Variants in NEK1 observed in about 807,000 individuals in gnomAD.
NEK1 encodes serine/threonine-protein kinase Nek1.
In NEK1, 137 loss-of-function variants were observed where a neutral mutation model predicts 182.1. The observed-to-expected ratio is 0.75, with a 90% CI of 0.65 to 0.87. NEK1 has a LOEUF of 0.87. NEK1 is among the 40% of genes least tolerant of loss of function. NEK1 has a pLI of 0.00. For missense variants in NEK1, 1,391 were observed against 1,494.4 expected, an observed-to-expected ratio of 0.93 and a Z score of 1.14; for synonymous variants, 513 against 492.2, an observed-to-expected ratio of 1.04 and a Z score of -0.56.
chr4:169,499,217 T>C (rs1196579858), intron 23 of NEK1, among the ~76,000 whole-genome samples: 1 of 152,246 alleles, frequency 6.6e-6, no homozygotes, highest in Non-Finnish European at 1.5e-5. Context: ...TGTGCATTCG[T>C]CACGTAGTTC....
At chr4:169,445,963 G>A (rs1040189261) in intron 27 of NEK1, among the ~76,000 whole-genome samples, 1 of 151,448 alleles carries the variant, frequency 6.6e-6, no homozygotes, top group East Asian at 1.9e-4. Flanking sequence ...TAGAACTGGA[G>A]GTCATTATCC....
intron 27 of NEK1, among the ~76,000 whole-genome samples, chr4:169,441,229 C>T (rs1739392206): frequency 6.6e-6 from 1 of 152,206 alleles, no homozygotes; most frequent in African/African-American, 2.4e-5. Flanking sequence ...CCTGCCTCCC[C>T]TAGCACCTGG....
At chr4:169,544,599 G>GTTTTTTTTT (rs139478702) in intron 18 of NEK1, among the ~76,000 whole-genome samples, 28 of 66,288 alleles carry the variant, frequency 4.2e-4, no homozygotes, top group African/African-American at 6.6e-4. Flanking sequence ...TCTGGTCATG[G>GTTTTTTTTT]TTTTTTTTTT....
At chr4:169,555,225 T>A (rs1419960072) in intron 18 of NEK1, 4 of 164,432 alleles carry the variant, frequency 2.4e-5, no homozygotes, top group African/African-American at 9.6e-5. Flanking sequence ...CATTATTAAT[T>A]CAATGGAAGA....
intron 19 of NEK1, among the ~76,000 whole-genome samples, chr4:169,528,601 T>A (rs551666763): frequency 6.6e-6 from 1 of 152,252 alleles, no homozygotes; most frequent in Non-Finnish European, 1.5e-5. Context: ...GATAAACTGC[T>A]AAATTGTGGT....
chr4:169,546,214 T>C (rs555716338), intron 18 of NEK1, among the ~76,000 whole-genome samples: 1 of 152,212 alleles, frequency 6.6e-6, no homozygotes, highest in Non-Finnish European at 1.5e-5. Flanking sequence ...AAAGAATTTA[T>C]TTATTTCTGC....
At chr4:169,460,439 GC>G (rs1223708311) in intron 27 of NEK1, among the ~76,000 whole-genome samples, 21 of 151,828 alleles carry the variant, frequency 1.4e-4, no homozygotes, top group Non-Finnish European at 5.9e-5. Context: ...GGAAAGACCT[GC>G]CCCCATAATT....
chr4:169,395,689 A>G (rs879428962), intron 35 of NEK1, among the ~76,000 whole-genome samples: 13 of 152,240 alleles, frequency 8.5e-5, no homozygotes, highest in Non-Finnish European at 1.6e-4. Flanking sequence ...AATTAACAAA[A>G]GCTAACTTTT....
intron 23 of NEK1, among the ~76,000 whole-genome samples, chr4:169,495,641 A>T (rs1237439100): frequency 2.0e-5 from 3 of 152,132 alleles, no homozygotes; most frequent in Middle Eastern, 3.2e-3. Context: ...TTTTCCCAGC[A>T]CCATTTATTA....
chr4:169,422,139 C>A (rs1246366651), intron 31 of NEK1, among the ~76,000 whole-genome samples: 1 of 152,146 alleles, frequency 6.6e-6, no homozygotes, highest in African/African-American at 2.4e-5. Context: ...AATTTGGCAA[C>A]ATACTGGTAA....
intron 19 of NEK1, among the ~76,000 whole-genome samples, chr4:169,522,266 C>A (rs372006916): frequency 7.9e-5 from 12 of 152,146 alleles, no homozygotes; most frequent in East Asian, 5.8e-4. Flanking sequence ...CCCTTTTTAT[C>A]ATTTTAAGAT....
At chr4:169,559,606 T>C (rs1304468457) in intron 16 of NEK1, among the ~76,000 whole-genome samples, 3 of 152,174 alleles carry the variant, frequency 2.0e-5, no homozygotes, top group Non-Finnish European at 1.5e-5. Context: ...ATTATAACTT[T>C]TGGAGAAAAA....
At chr4:169,566,533 A>G (rs904699075) in intron 12 of NEK1, among the ~76,000 whole-genome samples, 2 of 152,154 alleles carry the variant, frequency 1.3e-5, no homozygotes, top group African/African-American at 4.8e-5. Context: ...CTTTGCTTTA[A>G]CAGAGCCTTT....
chr4:169,447,257 C>T (rs946117986), intron 27 of NEK1, among the ~76,000 whole-genome samples: 1 of 152,026 alleles, frequency 6.6e-6, no homozygotes, highest in Non-Finnish European at 1.5e-5. Context: ...AGTGACAGGA[C>T]ATATTTAAAG....
intron 28 of NEK1, among the ~76,000 whole-genome samples, chr4:169,435,298 C>T (rs1428555526): frequency 5.3e-5 from 8 of 152,212 alleles, no homozygotes; most frequent in Middle Eastern, 3.4e-3. Flanking sequence ...TTAATGAGGG[C>T]GCCACTCTCA....
In NEK1 at chr4:169,508,314, C is replaced by T. The variant is rs1436372907; in HGVS notation, c.1767G>A (p.Leu589=). 2 of 1,578,782 alleles carry T rather than the reference C, an allele frequency of 1.3e-6. No homozygotes were observed. The highest frequency in any genetic ancestry group is 1.4e-5 in the African/African-American group (1 of 73,982). The change falls in exon 21 of 36, where the codon CTG becomes CTA. Residue 589 remains leucine, a synonymous_variant. Coordinates refer to ENST00000507142, the MANE Select transcript of NEK1 (RefSeq NM_001199397.3). ...NKEEEVYLAR[L]RQIRLQNFNE... ...TGAAATTCTGTAGTCTTATTTGCCT[C>T]AGTCTTGCCAGATAAACCTACAAGG... is the stretch of plus-strand genomic sequence containing the variant.
chr4:169,433,206 C>T (rs991818007), intron 29 of NEK1, among the ~76,000 whole-genome samples: 3 of 151,918 alleles, frequency 2.0e-5, no homozygotes, highest in Non-Finnish European at 4.4e-5. Flanking sequence ...ACTATAGGCA[C>T]GTGCCACCAT....
intron 19 of NEK1, among the ~76,000 whole-genome samples, chr4:169,522,098 C>G (rs1311819654): frequency 6.6e-6 from 1 of 152,162 alleles, no homozygotes; most frequent in Non-Finnish European, 1.5e-5. Flanking sequence ...GAGAACTGAA[C>G]TGGTATGTCT....
At position 169,471,144 on chromosome 4, in the gene NEK1, C is replaced by T. The variant is rs192051347; in HGVS notation, c.2434+5980G>A. On this transcript the variant is annotated intron_variant, in intron 26 of 35. Transcript: ENST00000507142. ...CTGTCAATTCATCAAACTCATTCTC[C>T]GTCCAGTTTTGTTCCCTTACTGGCA... Among the ~76,000 whole-genome samples, 472 of 152,306 alleles carry T rather than the reference C, an allele frequency of 3.1e-3. 7 individuals carry two copies. Among genetic ancestry groups the T allele is most frequent in the African/African-American group, 0.011 (451 of 41,574 alleles).
Sources: allele counts gnomAD v4.1 joint callset (sites outside exome capture counted in the v4.1 genomes callset), GRCh38; gene constraint gnomAD v4.1.1; transcripts MANE v1.5; gene names NCBI Gene and HGNC (gene_info 2026-07-23, HGNC 2026-07-21).